Variants in KLHL29 observed in about 807,000 individuals in gnomAD.
KLHL29 encodes kelch-like protein 29.
In KLHL29, 21 loss-of-function variants were observed where a neutral mutation model predicts 80.4. The ratio of observed to expected loss-of-function variants is 0.26; its 90% CI spans 0.19 to 0.38. KLHL29 has a LOEUF of 0.38. Among genes scored for constraint, KLHL29 ranks in the 10% least tolerant of loss-of-function variants. KLHL29 has a pLI of 1.00. For synonymous variants in KLHL29, 511 were observed against 526.8 expected, an observed-to-expected ratio of 0.97 and a Z score of 0.41; for missense variants, 867 against 1,223.9, an observed-to-expected ratio of 0.71 and a Z score of 4.35.
chr2:23,616,791 A>G (rs1192175645), intron 3 of KLHL29: 1 of 152,178 alleles, frequency 6.6e-6, no homozygotes, highest in East Asian at 1.9e-4. Flanking sequence ...GTCTGCACCA[A>G]GTCTGTGTGA....
rs1671067115 is a variant in KLHL29 at position 23,680,881 on chromosome 2, T to C, written c.941-3518T>C. 6.6e-6 allele frequency among the ~76,000 whole-genome samples: 1 copy of C among 152,160 alleles called. No homozygotes were observed. Among genetic ancestry groups the C allele is most frequent in the African/African-American group, 2.4e-5 (1 of 41,440 alleles). Reference sequence around the variant, plus strand: ...GATAGTGCAGGGTGCCAGGTGCTTCTGGAAGTCCACTCTGAAGACCCAGCC... The same window carrying C: ...GATAGTGCAGGGTGCCAGGTGCTTCCGGAAGTCCACTCTGAAGACCCAGCC... On this transcript the variant is annotated intron_variant, in intron 5 of 13. Transcript: ENST00000486442. This position sits in a 1 kb window ranked among gnomAD's most constrained non-coding sequence, Gnocchi z 4.1.
chr2:23,651,954 C>T (rs555112840), intron 5 of KLHL29, among the ~76,000 whole-genome samples: 1 of 152,164 alleles, frequency 6.6e-6, no homozygotes, highest in African/African-American at 2.4e-5. Flanking sequence ...TTTAAAGGCC[C>T]TTTCTCCAGA....
intron 2 of KLHL29, among the ~76,000 whole-genome samples, chr2:23,502,034 T>C (rs1247383496): frequency 6.6e-6 from 1 of 152,184 alleles, no homozygotes; most frequent in East Asian, 1.9e-4. Context: ...TGCTGGCTCC[T>C]GGGCCCATCG....
At chr2:23,588,038 G>A (rs771937507) in intron 3 of KLHL29, among the ~76,000 whole-genome samples, 4 of 152,092 alleles carry the variant, frequency 2.6e-5, no homozygotes, top group South Asian at 2.1e-4. Flanking sequence ...TCCCATCCAC[G>A]GCCCTCACCT....
chr2:23,695,327 C>T lies in KLHL29; in HGVS notation c.1543-296C>T, dbSNP rs1457686583. 6.6e-6 allele frequency among the ~76,000 whole-genome samples: 1 copy of T among 152,134 alleles called. No individual in the cohort carries two copies. Among genetic ancestry groups the T allele is most frequent in the African/African-American group, 2.4e-5 (1 of 41,434 alleles). On this transcript the variant is annotated intron_variant, in intron 8 of 13. Coordinates refer to ENST00000486442, the MANE Select transcript of KLHL29 (RefSeq NM_052920.2). The surrounding 1 kb of genome is among the most constrained non-coding windows in gnomAD (Gnocchi z 7.6). Reference sequence around the variant, plus strand: ...GATCTGCAGCAGGGGTCCACAGCCCCAGGTGGAGTGAGAGAATGGGGTGCT... The same window carrying T: ...GATCTGCAGCAGGGGTCCACAGCCCTAGGTGGAGTGAGAGAATGGGGTGCT...
intron 1 of KLHL29, among the ~76,000 whole-genome samples, chr2:23,469,957 C>T (rs1399749272): frequency 6.7e-6 from 1 of 148,948 alleles, no homozygotes; most frequent in Non-Finnish European, 1.5e-5. Context: ...CATTGAGTGG[C>T]AGGGCTGAGT....
At chr2:23,627,609 C>T (rs1486822943) in intron 3 of KLHL29, among the ~76,000 whole-genome samples, 5 of 152,198 alleles carry the variant, frequency 3.3e-5, no homozygotes, top group South Asian at 2.1e-4. Context: ...GAGCCGCCTC[C>T]GAGGCCGTGT....
chr2:23,404,145 C>G (rs1246858205), intron 1 of KLHL29, among the ~76,000 whole-genome samples: 1 of 152,128 alleles, frequency 6.6e-6, no homozygotes, highest in Non-Finnish European at 1.5e-5. Context: ...CGTTTTGCTT[C>G]CTGTGAAATG....
At chr2:23,403,722 AGAGAGTGTGTGTGTGTGTGTGTGT>A (rs1051998287) in intron 1 of KLHL29, among the ~76,000 whole-genome samples, 2 of 141,004 alleles carry the variant, frequency 1.4e-5, no homozygotes, top group African/African-American at 5.6e-5. Flanking sequence ...AGAGAGAGAG[AGAGAGTGTGTGTGTGTGTGTGTGT>A]GTGTGTGTGT....
At chr2:23,542,006 G>A (rs978214906) in intron 2 of KLHL29, among the ~76,000 whole-genome samples, 5 of 152,176 alleles carry the variant, frequency 3.3e-5, no homozygotes, top group Non-Finnish European at 5.9e-5. Context: ...CCTGGGAGGG[G>A]TTGGGCTGTG....
At chr2:23,399,505 G>A (rs1244328086) in intron 1 of KLHL29, among the ~76,000 whole-genome samples, 1 of 152,152 alleles carries the variant, frequency 6.6e-6, no homozygotes, top group Non-Finnish European at 1.5e-5. Context: ...TTACAATTTA[G>A]CAACTCTTCT....
chr2:23,558,223 G>A (rs951408581), intron 2 of KLHL29, among the ~76,000 whole-genome samples: 3 of 152,082 alleles, frequency 2.0e-5, no homozygotes, highest in South Asian at 2.1e-4. Flanking sequence ...TGCCACATTA[G>A]GATCCAACCC....
At chr2:23,505,988 C>A (rs1424858657) in intron 2 of KLHL29, among the ~76,000 whole-genome samples, 1 of 152,174 alleles carries the variant, frequency 6.6e-6, no homozygotes, top group Admixed American at 6.5e-5. Context: ...GGTCAGCCTC[C>A]CCCGATCATG....
intron 2 of KLHL29, among the ~76,000 whole-genome samples, chr2:23,552,764 T>TTTTTTTTTTC: frequency 7.5e-6 from 1 of 133,892 alleles, no homozygotes; most frequent in African/African-American, 3.0e-5. Flanking sequence ...TTCTTTTCTT[T>TTTTTTTTTTC]TTTTTTTTTT....
chr2:23,490,223 A>G (rs538459258), intron 2 of KLHL29, among the ~76,000 whole-genome samples: 1 of 152,312 alleles, frequency 6.6e-6, no homozygotes, highest in African/African-American at 2.4e-5. Context: ...TGTTTCTGCT[A>G]AAGATAAGCT....
intron 3 of KLHL29, among the ~76,000 whole-genome samples, chr2:23,576,274 C>T (rs957695376): frequency 6.8e-6 from 1 of 147,606 alleles, no homozygotes; most frequent in African/African-American, 2.5e-5. Flanking sequence ...CATTGCACTC[C>T]AGCCTGGGCA....
At chr2:23,451,635 C>T (rs1663880989) in intron 1 of KLHL29, among the ~76,000 whole-genome samples, 2 of 152,214 alleles carry the variant, frequency 1.3e-5, no homozygotes, top group Non-Finnish European at 2.9e-5. Flanking sequence ...GTGAAAGCAG[C>T]TGTTTCCTTG....
rs1671950488 is a variant in KLHL29 at position 23,696,274 on chromosome 2, G to A, written c.1925-59G>A. 6.6e-7 allele frequency: 1 copy of A among 1,519,204 alleles called. No individual in the cohort carries two copies. The highest frequency in any genetic ancestry group is 8.9e-7 in the Non-Finnish European group (1 of 1,120,760). 94.1% of individuals were successfully genotyped at this position (1,519,204 alleles called of 1,614,324 possible). On this transcript the variant is annotated intron_variant, in intron 10 of 13. Transcript: ENST00000486442. This position sits in a 1 kb window ranked among gnomAD's most constrained non-coding sequence, Gnocchi z 5.5. The stretch of plus-strand genomic sequence containing the variant: ...TTCCTCTGCCCCTGGGGCTGGGCCT[G>A]CTGACCCCAGGCCCCTCCTCACCCC...
At chr2:23,539,063 T>G (rs1345090303) in intron 2 of KLHL29, among the ~76,000 whole-genome samples, 1 of 152,154 alleles carries the variant, frequency 6.6e-6, no homozygotes, top group Non-Finnish European at 1.5e-5. Flanking sequence ...GCAAGAAAAT[T>G]TTGCTAGAAG....
Sources: allele counts gnomAD v4.1 joint callset (sites outside exome capture counted in the v4.1 genomes callset), GRCh38; gene constraint gnomAD v4.1.1; non-coding constraint Gnocchi (gnomAD v3.1); transcripts MANE v1.5; gene names NCBI Gene and HGNC (gene_info 2026-07-23, HGNC 2026-07-21).